GNAS: variants seen among roughly 807,000 people sequenced by gnomAD.
GNAS encodes the protein GNAS complex locus, also known as protein ALEX.
In GNAS, 8 loss-of-function variants were observed where a neutral mutation model predicts 54.5. The observed-to-expected ratio is 0.15, with a 90% confidence interval of 0.09 to 0.26. The LOEUF (loss-of-function observed/expected upper bound fraction) is 0.26, where lower values mean the gene tolerates loss of function less well. Ranked by LOEUF, GNAS falls within the 10% of genes least tolerant of loss-of-function variation. The probability of loss-of-function intolerance (pLI) is 1.00; values close to 1 mark genes in which losing one functional copy is unlikely to be tolerated. For missense variants in GNAS, 170 were observed against 529.8 expected (o/e 0.32, Z 6.67); for synonymous variants, 204 against 191.4 (o/e 1.07, Z -0.54).
chr20:58,894,201 A>T (rs762319401), intron 1 of GNAS, among the ~76,000 whole-genome samples: 2 of 152,258 alleles, frequency 1.3e-5, no homozygotes, highest in Non-Finnish European at 2.9e-5. Context: ...AAACTGAGGC[A>T]CGGATCTGTT....
upstream of GNAS, chr20:58,889,196 C>T: frequency 8.2e-7 from 1 of 1,213,122 alleles, no homozygotes; most frequent in Non-Finnish European, 1.1e-6. Context: ...GTCGGCACCG[C>T]GGAGCGGGCT....
chr20:58,891,145 CCCCGG>C (rs1307074306), upstream of GNAS, among the ~76,000 whole-genome samples: 1 of 147,950 alleles, frequency 6.8e-6, no homozygotes, highest in African/African-American at 2.5e-5. Flanking sequence ...GGGGGCGTCT[CCCCGG>C]CCCGTCCCGT....
chr20:58,858,743 T>A (rs1475910184), intron 1 of GNAS, among the ~76,000 whole-genome samples: 1 of 152,200 alleles, frequency 6.6e-6, no homozygotes, highest in Non-Finnish European at 1.5e-5. Context: ...TGCAACAGTA[T>A]GCATTGTATT....
intron 2 of GNAS, among the ~76,000 whole-genome samples, chr20:58,896,467 A>C (rs2090058214): frequency 6.6e-6 from 1 of 152,152 alleles, no homozygotes; most frequent in African/African-American, 2.4e-5. Flanking sequence ...AAGATTAAAC[A>C]GGAGAGACTT....
chr20:58,888,966 C>G (rs1294208909), upstream of GNAS: 1 of 592,258 alleles, frequency 1.7e-6, no homozygotes, highest in African/African-American at 2.0e-5. Context: ...CCCCCGCCAT[C>G]GCGGCCCCCG....
chr20:58,910,885 C>A lies in GNAS; in HGVS notation c.*56C>A. On this transcript the variant is annotated 3_prime_UTR_variant, in exon 13 of 13. Coordinates refer to ENST00000371085, the MANE Select transcript of GNAS (RefSeq NM_000516.7). The surrounding 1 kb of genome is among the most constrained non-coding windows in gnomAD (Gnocchi z 5.8). ...TAAGCACAATTAATTAAAAGTGAAA[C>A]GTAATTGTACAAGCAGTTAATCACC... 6.6e-7 allele frequency: 1 copy of A among 1,521,772 alleles called. No homozygotes were observed. Among genetic ancestry groups the A allele is most frequent in the Non-Finnish European group, 9.1e-7 (1 of 1,098,210 alleles). 94.3% of individuals were successfully genotyped at this position (1,521,772 alleles called of 1,614,324 possible). A position where few individuals can be genotyped will look rare whatever the true frequency, so the allele number is the denominator to read the frequency against.
intron 3 of GNAS, chr20:58,900,362 T>C (rs1430390035): frequency 1.3e-5 from 3 of 237,034 alleles, no homozygotes; most frequent in Non-Finnish European, 2.5e-5. Context: ...CAAGTCAATA[T>C]AAGTATTAAC....
intron 3 of GNAS, chr20:58,899,956 T>C (rs1156680614): frequency 8.4e-6 from 6 of 717,720 alleles, no homozygotes; most frequent in East Asian, 8.0e-5. Flanking sequence ...TAGAATATAA[T>C]ATCCCTAGAT....
intron 1 of GNAS, among the ~76,000 whole-genome samples, chr20:58,859,355 C>T (rs1303507529): frequency 1.3e-5 from 2 of 152,046 alleles, no homozygotes; most frequent in African/African-American, 4.8e-5. Context: ...CGTGTGCCAC[C>T]ATGCCTGGCT....
rs1459218749 is a variant in GNAS at position 58,854,902 on chromosome 20, C to G, written c.43+14016C>G. ...GCCGATCCGCCTACTCCGCGGCCTA[C>G]TCGCGCGTCTGCCTGGCGGGGCAAG... On this transcript the variant is annotated intron_variant, in intron 1 of 12. Transcript: ENST00000306090. 3 of 1,594,982 alleles carry G rather than the reference C, an allele frequency of 1.9e-6. No individual in the cohort carries two copies. The South Asian group carries it at 3.4e-5, about 18-fold the overall frequency.
At chr20:58,866,761 A>C (rs1376046529) in intron 1 of GNAS, among the ~76,000 whole-genome samples, 1 of 151,600 alleles carries the variant, frequency 6.6e-6, no homozygotes, top group Non-Finnish European at 1.5e-5. Flanking sequence ...AATTTTTTCA[A>C]ACAAAGGAGA....
chr20:58,854,910 T>C, intron 1 of GNAS: 1 of 1,597,670 alleles, frequency 6.3e-7, no homozygotes, highest in Non-Finnish European at 8.5e-7. Flanking sequence ...TACTCGCGCG[T>C]CTGCCTGGCG....
At chr20:58,895,553 C>T in intron 1 of GNAS, 59 bp from the exon 2 acceptor site, 1 of 1,013,566 alleles carries the variant, frequency 9.9e-7, no homozygotes, top group Middle Eastern at 2.4e-4. Flanking sequence ...CAGCAGACCT[C>T]CCTGCCCAAA....
At chr20:58,875,468 G>A (rs1194519196) in intron 1 of GNAS, among the ~76,000 whole-genome samples, 2 of 152,170 alleles carry the variant, frequency 1.3e-5, no homozygotes, top group African/African-American at 2.4e-5. Context: ...AAGAGGCATT[G>A]GGGGGAACAG....
At chr20:58,846,171 TAGA>T (rs1387198203) in intron 1 of GNAS, among the ~76,000 whole-genome samples, 1 of 152,006 alleles carries the variant, frequency 6.6e-6, no homozygotes, top group East Asian at 1.9e-4. Flanking sequence ...AAAGAAGATT[TAGA>T]AATGGGGAAG....
chr20:58,898,797 A>G, intron 2 of GNAS, 144 bp from the exon 3 acceptor site: 1 of 800,592 alleles, frequency 1.2e-6, no homozygotes, highest in South Asian at 1.3e-5. Flanking sequence ...CGACCTAAGA[A>G]TTGCCGGGAG....
Position 58,903,750 on chromosome 20 carries a change from A to C in GNAS, c.391A>C (p.Ile131Leu). Residue 131 changes from isoleucine (I) to leucine (L), a missense_variant, in exon 5 of 13, where the codon ATC (isoleucine) becomes CTC (leucine). By Grantham distance (5) the Ile-to-Leu change is conservative. Around this residue, in one of 3 missense-constraint regions of GNAS, gnomAD observed 78 missense variants for 251.1 expected, o/e 0.31. Transcript: ENST00000371085. ...CGAGAACCAGTTCAGAGTGGACTAC[A>C]TCCTGAGTGTGATGAACGTGCCTGA... is the stretch of plus-strand genomic sequence containing the variant. Reference protein sequence around the residue: ...NPENQFRVDYILSVMNVPDFD... With the variant: ...NPENQFRVDYLLSVMNVPDFD... The C allele has an allele frequency of 6.2e-7, 1 of 1,613,762 alleles. No individual in the cohort carries two copies. Among genetic ancestry groups the C allele is most frequent in the Non-Finnish European group, 8.5e-7 (1 of 1,179,818 alleles).
upstream of GNAS, chr20:58,890,937 C>T (rs1397500856): frequency 1.3e-5 from 2 of 152,004 alleles, no homozygotes; most frequent in Non-Finnish European, 2.9e-5. Context: ...TTTCCTAAGT[C>T]CGGGCGCGCG....
At chr20:58,901,111 A>T (rs751794423) in intron 3 of GNAS, among the ~76,000 whole-genome samples, 2 of 152,230 alleles carry the variant, frequency 1.3e-5, no homozygotes, top group Non-Finnish European at 2.9e-5. Flanking sequence ...ACTATTGTGG[A>T]ACCTCAAAAC....
Sources: allele counts gnomAD v4.1 joint callset (sites outside exome capture counted in the v4.1 genomes callset), GRCh38; gene constraint gnomAD v4.1.1; regional missense constraint gnomAD v4.1.1; non-coding constraint Gnocchi (gnomAD v3.1); transcripts MANE v1.5; gene names NCBI Gene and HGNC (gene_info 2026-07-23, HGNC 2026-07-21).